SERPINE2: variants seen among roughly 807,000 people sequenced by gnomAD.
SERPINE2 encodes the protein glia-derived nexin.
In SERPINE2, 14 loss-of-function variants were observed where a neutral mutation model predicts 36.3. The observed-to-expected ratio is 0.39, with a 90% CI of 0.25 to 0.60. SERPINE2 has a LOEUF of 0.60. Ranked by LOEUF, SERPINE2 falls within the 20% of genes least tolerant of loss-of-function variation. The pLI is 0.57. For missense variants in SERPINE2, 418 were observed against 499.6 expected (o/e 0.84, Z 1.56); for synonymous variants, 192 against 191.8 (o/e 1.00, Z -0.01).
At chr2:223,980,454 G>T (rs1415772797) in intron 6 of SERPINE2, 57 bp from the exon 7 acceptor site, 1 of 1,458,758 alleles carries the variant, frequency 6.9e-7, no homozygotes, top group Non-Finnish European at 9.6e-7. Context: ...GCCATTGGTT[G>T]GTTGGGGAAG....
At chr2:224,020,650 G>T (rs1691966900) in intron 1 of SERPINE2, among the ~76,000 whole-genome samples, 1 of 152,144 alleles carries the variant, frequency 6.6e-6, no homozygotes, top group Non-Finnish European at 1.5e-5. Flanking sequence ...TGCCCCACGA[G>T]TCATTTAAAT....
rs1692627384 is a variant in SERPINE2, at chr2:224,039,107, C to G, written c.-31G>C. 1 of 151,028 alleles carries G rather than the reference C, an allele frequency of 6.6e-6. No individual in the cohort carries two copies. Among genetic ancestry groups the G allele is most frequent in the Non-Finnish European group, 1.5e-5 (1 of 67,626 alleles). The allele number at this position is 151,028 out of a possible 1,614,324, so 9.4% of individuals were successfully genotyped here. On this transcript the variant is annotated 5_prime_UTR_variant, in exon 1 of 9. Coordinates refer to ENST00000409304, the MANE Select transcript of SERPINE2 (RefSeq NM_001136528.2). The surrounding 1 kb of genome is among the most constrained non-coding windows in gnomAD (Gnocchi z 5.2). ...GCGCAGCCTGTACTCACCGCGCTCG[C>G]TGGATCCCCAGGGGGCGGCCGCGGA...
rs769412918 is a variant in SERPINE2 at position 223,982,808 on chromosome 2, A to G, written c.885-27T>C. The G allele has an allele frequency of 1.0e-5, 16 of 1,541,656 alleles. No homozygotes were observed. In the African/African-American group the frequency reaches 2.2e-4, roughly 21 times the overall value. ...TAGCATGAAAGCAGAAATGGAGAAAAAAAATCACGAGGCTATAAATGCTAC... is the reference window on the plus strand; with the variant it reads ...TAGCATGAAAGCAGAAATGGAGAAAGAAAATCACGAGGCTATAAATGCTAC... On this transcript the variant is annotated intron_variant, in intron 5 of 8. Transcript: ENST00000409304.
chr2:223,985,351 T>C (rs1157021317), intron 4 of SERPINE2, among the ~76,000 whole-genome samples: 1 of 151,504 alleles, frequency 6.6e-6, no homozygotes, highest in Non-Finnish European at 1.5e-5. Context: ...AGGTACACAA[T>C]ATGACGTTAT....
Position 224,001,800 on chromosome 2 carries a change from G to A in SERPINE2, c.101C>T (p.Thr34Met), listed in dbSNP as rs767005897. The change falls in exon 2 of 9, where the codon ACG becomes ATG. Residue 34 changes from threonine to methionine, a missense_variant. Physicochemically the swap from Thr to Met is moderately conservative, Grantham distance 81 (BLOSUM62 -1). Coordinates refer to ENST00000409304, the MANE Select transcript of SERPINE2 (RefSeq NM_001136528.2). ...PLSLEELGSNTGIQVFNQIVK... is the reference protein window; with the variant it reads ...PLSLEELGSNMGIQVFNQIVK... ...AATCTGATTGAAAACCTGGATCCCC[G>A]TGTTGGAGCCTAGTTCCTCGAGAGA... 14 of 1,614,022 alleles carry A rather than the reference G, an allele frequency of 8.7e-6. No individual in the cohort carries two copies. The highest frequency in any genetic ancestry group is 1.6e-4 in the Middle Eastern group (1 of 6,084).
At chr2:224,009,221 T>C (rs1430793062) in intron 1 of SERPINE2, among the ~76,000 whole-genome samples, 1 of 152,002 alleles carries the variant, frequency 6.6e-6, no homozygotes, top group Non-Finnish European at 1.5e-5. Context: ...TGACACCTTC[T>C]CAGGCACTGG....
At chr2:224,007,456 C>G (rs565853317) in intron 1 of SERPINE2, among the ~76,000 whole-genome samples, 1 of 152,180 alleles carries the variant, frequency 6.6e-6, no homozygotes, top group Non-Finnish European at 1.5e-5. Context: ...ATTATTAACT[C>G]ACGGCTTGGT....
At chr2:224,035,370 G>GTT (rs1198422695) in intron 1 of SERPINE2, among the ~76,000 whole-genome samples, 3 of 71,002 alleles carry the variant, frequency 4.2e-5, no homozygotes, top group Middle Eastern at 6.6e-3. Flanking sequence ...CCTATTCCAG[G>GTT]TTTTTTTTGT....
At chr2:224,000,689 C>T (rs574480228) in intron 2 of SERPINE2, among the ~76,000 whole-genome samples, 87 of 152,192 alleles carry the variant, frequency 5.7e-4, no homozygotes, top group Non-Finnish European at 1.1e-3. Context: ...CTCCCCTTGC[C>T]TTCCACCCCT....
intron 1 of SERPINE2, chr2:224,031,543 A>C (rs1692368960): frequency 2.7e-5 from 26 of 980,616 alleles, no homozygotes; most frequent in Non-Finnish European, 3.1e-5. Context: ...CCATTGGTAC[A>C]CGGAAGGGCA....
At chr2:223,980,262 T>G (rs2106132668) in intron 7 of SERPINE2, 49 bp downstream of exon 7, 1 of 1,431,736 alleles carries the variant, frequency 7.0e-7, no homozygotes, top group African/African-American at 1.4e-5. Flanking sequence ...TACAGGAATG[T>G]GTTTGCTCCC....
chr2:224,007,351 C>T (rs1449501208), intron 1 of SERPINE2, among the ~76,000 whole-genome samples: 1 of 152,140 alleles, frequency 6.6e-6, no homozygotes, highest in Non-Finnish European at 1.5e-5. Context: ...TTTTATAAAA[C>T]ATACATATAT....
At chr2:223,988,568 G>T (rs1690528159) in intron 4 of SERPINE2, among the ~76,000 whole-genome samples, 1 of 152,164 alleles carries the variant, frequency 6.6e-6, no homozygotes, top group South Asian at 2.1e-4. Context: ...CAGGAGAAAA[G>T]AAGATGGAAA....
At position 223,983,103 on chromosome 2, in the gene SERPINE2, G is replaced by T. The variant is rs367650925; in HGVS notation, c.885-322C>A. Among the ~76,000 whole-genome samples the T allele has an allele frequency of 3.3e-5, 5 of 152,196 alleles. No individual in the cohort carries two copies. In the East Asian group the frequency reaches 7.7e-4, roughly 23 times the overall value. ...TTTTATACTGACGTGGAGGTTGAGT[G>T]TTAACAAGTTCCTAGTACTCTGGAA... On this transcript the variant is annotated intron_variant, in intron 5 of 8. Transcript: ENST00000409304.
At position 224,001,703 on chromosome 2, in the gene SERPINE2, C is replaced by T; in HGVS notation, c.198G>A (p.Gln66=). ...TCTTGGTCCTGCCGTCCGCCCCCAGCTGAAGCATCCCCAGGACCGACGCAA... is the reference window on the plus strand; with the variant it reads ...TCTTGGTCCTGCCGTCCGCCCCCAGTTGAAGCATCCCCAGGACCGACGCAA... ...HGIASVLGML[Q]LGADGRTKKQ... is the part of the protein sequence containing the mutation. Residue 66 remains glutamine, a synonymous_variant, in exon 2 of 9, where the codon CAG becomes CAA. Coordinates refer to ENST00000409304, the MANE Select transcript of SERPINE2 (RefSeq NM_001136528.2). The T allele has an allele frequency of 6.2e-7, 1 of 1,614,202 alleles. No homozygotes were observed. The highest frequency in any genetic ancestry group is 8.5e-7 in the Non-Finnish European group (1 of 1,180,054).
chr2:224,031,396 T>TC (rs1692359975), intron 1 of SERPINE2: 3 of 985,526 alleles, frequency 3.0e-6, no homozygotes, highest in African/African-American at 3.5e-5. Context: ...GAGATTCCGT[T>TC]GGGGGGAAAA....
intron 1 of SERPINE2, among the ~76,000 whole-genome samples, chr2:224,013,459 G>C (rs1372394763): frequency 6.6e-6 from 1 of 152,166 alleles, no homozygotes; most frequent in Non-Finnish European, 1.5e-5. Context: ...GCTGGGTCCT[G>C]CTCCCTTTTC....
intron 1 of SERPINE2, among the ~76,000 whole-genome samples, chr2:224,015,411 A>G (rs761106060): frequency 5.9e-5 from 9 of 152,216 alleles, no homozygotes; most frequent in Non-Finnish European, 1.2e-4. Context: ...AAGTGACTGG[A>G]CAAAGGGGCG....
intron 3 of SERPINE2, among the ~76,000 whole-genome samples, chr2:223,993,424 G>C (rs2106152880): frequency 6.6e-6 from 1 of 150,962 alleles, no homozygotes; most frequent in African/African-American, 2.4e-5. Context: ...TGAGGTCTTT[G>C]AAGGTTCAGT....
Sources: allele counts gnomAD v4.1 joint callset (sites outside exome capture counted in the v4.1 genomes callset), GRCh38; gene constraint gnomAD v4.1.1; non-coding constraint Gnocchi (gnomAD v3.1); transcripts MANE v1.5; gene names NCBI Gene and HGNC (gene_info 2026-07-23, HGNC 2026-07-21).